The following FBXO34 variants were observed in gnomAD, a reference collection of about 807,000 sequenced individuals.
The protein encoded by FBXO34 is F-box protein 34, also known as F-box only protein 34.
Under a neutral mutation model 24.5 loss-of-function variants are expected in FBXO34, and 12 were observed. That is an observed-to-expected ratio of 0.49 (90% CI 0.31 to 0.79). The LOEUF is 0.79. Ranked by LOEUF, FBXO34 falls within the 30% of genes least tolerant of loss-of-function variation. The pLI, the probability that FBXO34 is intolerant of heterozygous loss-of-function variation, is 0.04. For synonymous variants in FBXO34, 320 were observed against 311.9 expected (o/e 1.03, Z -0.27); for missense variants, 823 against 857.7 (o/e 0.96, Z 0.51).
At chr14:55,377,611 A>AT in the FBXO34 span, among the ~76,000 whole-genome samples, 1 of 152,122 alleles carries the variant, frequency 6.6e-6, no homozygotes, top group African/African-American at 2.4e-5. Flanking sequence ...AAAATGATTG[A>AT]TATTAATTTT....
chr14:55,334,411 G>A (rs1385355120), intron 1 of FBXO34, among the ~76,000 whole-genome samples: 1 of 151,920 alleles, frequency 6.6e-6, no homozygotes, highest in African/African-American at 2.4e-5. Flanking sequence ...AAAAGAATAA[G>A]ATTACTTCTA....
intron 1 of FBXO34, among the ~76,000 whole-genome samples, chr14:55,334,839 A>G (rs370672844): frequency 7.2e-4 from 109 of 152,342 alleles, no homozygotes; most frequent in African/African-American, 2.5e-3. Flanking sequence ...TCCAGCATCC[A>G]AAAAAGATTG....
chr14:55,437,070 G>A, the FBXO34 span: 1 of 1,514,628 alleles, frequency 6.6e-7, no homozygotes. Flanking sequence ...AGAACAGCAT[G>A]TTACACAAAA....
chr14:55,369,974 A>G, downstream of FBXO34: 1 of 1,508,144 alleles, frequency 6.6e-7, no homozygotes, highest in Non-Finnish European at 8.9e-7. Flanking sequence ...CATTCTCAAC[A>G]CCAGAAAATA....
chr14:55,384,235 T>C, the FBXO34 span, among the ~76,000 whole-genome samples: 1 of 152,380 alleles, frequency 6.6e-6, no homozygotes, highest in South Asian at 2.1e-4. Context: ...AAATAGTTTT[T>C]CTTCATATTT....
intron 1 of FBXO34, among the ~76,000 whole-genome samples, chr14:55,284,513 C>CA (rs777112072): frequency 0.41 from 34,481 of 83,988 alleles, 6,024 homozygotes; most frequent in Non-Finnish European, 0.44. Flanking sequence ...CCTCTGTCTC[C>CA]AAAAAAAAAA....
rs745816633 is a variant in FBXO34, at chr14:55,350,513, C to T, written c.123C>T (p.Ser41=). The stretch of plus-strand genomic sequence containing the variant: ...TAAATGATGAAACATGCAAAGCTAG[C>T]CACATAACATCAAGTGTCTTTCCTT... ...KAVNDETCKA[S]HITSSVFPSA... The change falls in exon 2 of 2, where the codon AGC becomes AGT. Residue 41 remains serine (S), a synonymous_variant. Coordinates refer to ENST00000313833, the MANE Select transcript of FBXO34 (RefSeq NM_017943.4). 1.9e-6 allele frequency: 3 copies of T among 1,613,790 alleles called. No individual in the cohort carries two copies. Among genetic ancestry groups the T allele is most frequent in the South Asian group, 2.2e-5 (2 of 91,036 alleles).
chr14:55,367,979 A>C (rs970672659), exon 3 of FBXO34: 1 of 152,638 alleles, frequency 6.6e-6, no homozygotes, highest in East Asian at 1.9e-4. Flanking sequence ...GGGCATGGCA[A>C]ACCTCTGAAT....
At chr14:55,285,450 C>A (rs1352854692) in intron 1 of FBXO34, 1 of 151,996 alleles carries the variant, frequency 6.6e-6, no homozygotes, top group Admixed American at 6.5e-5. Context: ...GGGAGGTTTC[C>A]AGGTTGGAAA....
exon 3 of FBXO34, chr14:55,367,229 C>G (rs944845011): frequency 2.0e-5 from 3 of 152,190 alleles, no homozygotes; most frequent in South Asian, 2.1e-4. Flanking sequence ...CAGTCTCCAC[C>G]ACCAAGCTCC....
the FBXO34 span, among the ~76,000 whole-genome samples, chr14:55,432,832 T>C: frequency 6.6e-6 from 1 of 152,194 alleles, no homozygotes; most frequent in Non-Finnish European, 1.5e-5. Context: ...GGTGAAAGAA[T>C]ACCCATCAAC....
At chr14:55,429,079 G>GTA in the FBXO34 span, 1 of 1,387,334 alleles carries the variant, frequency 7.2e-7, no homozygotes, top group Non-Finnish European at 9.9e-7. Context: ...ATCTTTCAAT[G>GTA]TATACTATGA....
At chr14:55,326,833 GT>G (rs1883357287) in intron 1 of FBXO34, among the ~76,000 whole-genome samples, 1 of 152,166 alleles carries the variant, frequency 6.6e-6, no homozygotes, top group Non-Finnish European at 1.5e-5. Context: ...ATGTTTTGAT[GT>G]TAATGAGGAC....
chr14:55,430,315 C>T, the FBXO34 span, among the ~76,000 whole-genome samples: 1 of 150,560 alleles, frequency 6.6e-6, no homozygotes, highest in Non-Finnish European at 1.5e-5. Flanking sequence ...TATCCAGATC[C>T]TTCACCAACA....
At chr14:55,290,267 G>T (rs1336769702) in intron 1 of FBXO34, among the ~76,000 whole-genome samples, 2 of 151,996 alleles carry the variant, frequency 1.3e-5, no homozygotes, top group Non-Finnish European at 2.9e-5. Context: ...GGTGGCAGGT[G>T]CCTTAATCCC....
At chr14:55,320,340 T>A (rs920501026) in intron 1 of FBXO34, among the ~76,000 whole-genome samples, 1 of 152,220 alleles carries the variant, frequency 6.6e-6, no homozygotes, top group Non-Finnish European at 1.5e-5. Context: ...AGCTCCTTTC[T>A]CAGCCTAGAT....
intron 1 of FBXO34, among the ~76,000 whole-genome samples, chr14:55,290,861 C>T (rs1881923509): frequency 6.6e-6 from 1 of 152,114 alleles, no homozygotes; most frequent in Non-Finnish European, 1.5e-5. Context: ...TCTCTGTTGC[C>T]CAGGCTGGAG....
intron 1 of FBXO34, among the ~76,000 whole-genome samples, chr14:55,292,641 A>G (rs1196804169): frequency 1.3e-5 from 2 of 152,158 alleles, no homozygotes; most frequent in Non-Finnish European, 1.5e-5. Context: ...GGTGTGAGCC[A>G]CTGTGCTCGG....
chr14:55,307,803 G>GA (rs1882603748), intron 1 of FBXO34, among the ~76,000 whole-genome samples: 2 of 152,214 alleles, frequency 1.3e-5, no homozygotes, highest in Non-Finnish European at 2.9e-5. Flanking sequence ...CCTTTTAAGA[G>GA]AAGGGGACTG....
Sources: allele counts gnomAD v4.1 joint callset (sites outside exome capture counted in the v4.1 genomes callset), GRCh38; gene constraint gnomAD v4.1.1; transcripts MANE v1.5; gene names NCBI Gene and HGNC (gene_info 2026-07-23, HGNC 2026-07-21).